MRC1: variants seen among roughly 807,000 people sequenced by gnomAD.
MRC1 encodes macrophage mannose receptor 1.
A neutral mutation model predicts 102.9 loss-of-function variants in MRC1; 62 were observed. The ratio of observed to expected loss-of-function variants is 0.60; its 90% CI spans 0.49 to 0.74. The LOEUF (loss-of-function observed/expected upper bound fraction) is 0.74. Ranked by LOEUF, MRC1 falls within the 30% of genes least tolerant of loss-of-function variation. The probability of loss-of-function intolerance (pLI) is 0.00; values close to 1 mark genes in which losing one functional copy is unlikely to be tolerated. For missense variants in MRC1, 1,237 were observed against 862.8 expected (o/e 1.43, Z -5.43); for synonymous variants, 457 against 298.4 (o/e 1.53, Z -5.48).
chr10:17,845,511 C>A, intron 6 of MRC1, 76 bp downstream of exon 6: 1 of 770,518 alleles, frequency 1.3e-6, no homozygotes, highest in South Asian at 1.4e-5. Flanking sequence ...TTAGGTGTAA[C>A]TGTTGGAATG....
chr10:17,848,171 G>A (rs1485020028), intron 6 of MRC1, among the ~76,000 whole-genome samples: 3 of 152,026 alleles, frequency 2.0e-5, no homozygotes, highest in Non-Finnish European at 4.4e-5. Flanking sequence ...ACCCTATAAC[G>A]AACATATACT....
intron 7 of MRC1, among the ~76,000 whole-genome samples, chr10:17,852,717 G>A (rs923292914): frequency 1.3e-5 from 2 of 152,072 alleles, no homozygotes; most frequent in Admixed American, 1.3e-4. Context: ...TTCCACTAAA[G>A]AATACAGTCA....
At chr10:17,899,074 G>T (rs1554843554) in intron 24 of MRC1, among the ~76,000 whole-genome samples, 3 of 150,778 alleles carry the variant, frequency 2.0e-5, no homozygotes, top group African/African-American at 7.4e-5. Context: ...TATAGTCTAG[G>T]ATGGTAGAAC....
At chr10:17,860,141 A>G (rs1013572005) in intron 9 of MRC1, among the ~76,000 whole-genome samples, 1 of 152,168 alleles carries the variant, frequency 6.6e-6, no homozygotes, top group South Asian at 2.1e-4. Flanking sequence ...GGCCAACAAC[A>G]ATTTAATTTG....
At chr10:17,822,308 G>A (rs528005735) in intron 1 of MRC1, among the ~76,000 whole-genome samples, 2 of 152,290 alleles carry the variant, frequency 1.3e-5, no homozygotes, top group African/African-American at 4.8e-5. Context: ...ACCAAAATGT[G>A]TTGAGATGTG....
chr10:17,853,784 T>C (rs1373617789), intron 8 of MRC1, among the ~76,000 whole-genome samples: 1 of 152,124 alleles, frequency 6.6e-6, no homozygotes, highest in African/African-American at 2.4e-5. Flanking sequence ...GCTTTTATGA[T>C]TGAAATATGA....
Position 17,849,574 on chromosome 10 carries a change from T to G in MRC1, c.1064-5T>G. 2 of 778,512 alleles carry G rather than the reference T, an allele frequency of 2.6e-6. No individual in the cohort carries two copies. Among genetic ancestry groups the G allele is most frequent in the Admixed American group, 3.4e-5 (2 of 58,772 alleles). 48.2% of individuals were successfully genotyped at this position (778,512 alleles called of 1,614,324 possible). On this transcript the variant is annotated splice_polypyrimidine_tract_variant and splice_region_variant and intron_variant, in intron 6 of 29. Transcript: ENST00000569591. ...TTTTTTTCCGACCCCCCTTTTTGTTTCTAGAAAGTGATGTGCCTACTCACT... is the reference window on the plus strand; with the variant it reads ...TTTTTTTCCGACCCCCCTTTTTGTTGCTAGAAAGTGATGTGCCTACTCACT...
chr10:17,893,806 A>G (rs1006195746), intron 22 of MRC1, among the ~76,000 whole-genome samples: 1 of 152,372 alleles, frequency 6.6e-6, no homozygotes, highest in South Asian at 2.1e-4. Context: ...GCAATGAAAT[A>G]TATAGATCAT....
At chr10:17,859,025 G>A (rs1411663007) in intron 9 of MRC1, among the ~76,000 whole-genome samples, 2 of 151,930 alleles carry the variant, frequency 1.3e-5, no homozygotes, top group African/African-American at 4.8e-5. Context: ...TTTCTGTCTT[G>A]CTTTTTATCT....
At chr10:17,830,458 A>G (rs868943293) in intron 3 of MRC1, among the ~76,000 whole-genome samples, 4,780 of 151,560 alleles carry the variant, frequency 0.032, 117 homozygotes, top group East Asian at 0.042. Flanking sequence ...ATCAGCCTTA[A>G]AAGTGGCAGG....
chr10:17,894,399 T>G (rs1214094660), intron 23 of MRC1, 87 bp downstream of exon 23: 1 of 630,622 alleles, frequency 1.6e-6, no homozygotes, highest in Admixed American at 2.9e-5. Context: ...TCTTTCTTTT[T>G]TTTTTTTTTT....
chr10:17,866,036 C>T (rs931782903), intron 11 of MRC1, among the ~76,000 whole-genome samples: 12 of 152,072 alleles, frequency 7.9e-5, no homozygotes, highest in Admixed American at 3.3e-4. Flanking sequence ...CTTCTTTGTT[C>T]GTTAAAGCTG....
intron 18 of MRC1, 68 bp from the exon 19 acceptor site, chr10:17,879,653 G>A (rs1833486204): frequency 1.3e-6 from 1 of 780,648 alleles, no homozygotes; most frequent in South Asian, 1.3e-5. Context: ...GTGAGCCACT[G>A]CTCCTGGCCT....
chr10:17,832,251 T>A (rs1416138496), intron 3 of MRC1, among the ~76,000 whole-genome samples: 1 of 151,584 alleles, frequency 6.6e-6, no homozygotes, highest in East Asian at 1.9e-4. Flanking sequence ...TCCCCTGCCT[T>A]ACTTTACTAG....
Position 17,853,120 on chromosome 10 carries a change from G to A in MRC1, c.1403G>A (p.Gly468Asp), listed in dbSNP as rs1018060853. ...CAGGAGGATTGTGTGGTGATGAAAG[G>A]CAAGGTAAGGCCACTTGAATGACTG... is the stretch of plus-strand genomic sequence containing the variant. ...NRQEDCVVMK[G>D]KDGYWADRGC... The change falls in exon 8 of 30, where the codon GGC becomes GAC. Residue 468 changes from glycine (G) to aspartate (D), a missense_variant. Physicochemically the swap from Gly to Asp is moderately conservative, Grantham distance 94 (BLOSUM62 -1). Coordinates refer to ENST00000569591, the MANE Select transcript of MRC1 (RefSeq NM_002438.4). 1.9e-5 allele frequency: 15 copies of A among 780,814 alleles called. No individual in the cohort carries two copies. Among genetic ancestry groups the A allele is most frequent in the East Asian group, 1.5e-4 (6 of 41,258 alleles). The allele number at this position is 780,814 out of a possible 1,614,324, so 48.4% of individuals were successfully genotyped here. A position where few individuals can be genotyped will look rare whatever the true frequency, so the allele number is the denominator to read the frequency against.
intron 25 of MRC1, 89 bp from the exon 26 acceptor site, chr10:17,901,884 T>C (rs1833834381): frequency 1.3e-6 from 1 of 775,666 alleles, no homozygotes; most frequent in African/African-American, 1.7e-5. Flanking sequence ...TAATGATCAA[T>C]GATCAGTTTT....
rs1223628957 is a variant in MRC1 at position 17,861,401 on chromosome 10, T to C, written c.1533T>C (p.His511=). The C allele has an allele frequency of 1.1e-6, 1 of 872,352 alleles. No individual in the cohort carries two copies. The highest frequency in any genetic ancestry group is 1.6e-5 in the African/African-American group (1 of 61,322). 54.0% of individuals were successfully genotyped at this position (872,352 alleles called of 1,614,324 possible). A position where few individuals can be genotyped will look rare whatever the true frequency, so the allele number is the denominator to read the frequency against. The change falls in exon 10 of 30, where the codon CAT becomes CAC. Residue 511 remains histidine, a synonymous_variant. Transcript: ENST00000569591. ...AACATTAATAGGGCTGGAAAAAACA[T>C]CACTTTTACTGCTATATGATTGGAC... The part of the protein sequence containing the change: ...EKGCRKGWKK[H]HFYCYMIGHT...
chr10:17,845,844 A>G (rs1014101291), intron 6 of MRC1, among the ~76,000 whole-genome samples: 3 of 152,186 alleles, frequency 2.0e-5, no homozygotes, highest in South Asian at 4.1e-4. Flanking sequence ...CTTCCTTGCT[A>G]TTCAGTGTAG....
At chr10:17,826,808 A>G (rs1165406131) in intron 2 of MRC1, among the ~76,000 whole-genome samples, 2 of 152,180 alleles carry the variant, frequency 1.3e-5, no homozygotes, top group African/African-American at 4.8e-5. Context: ...CTTGTTGAAA[A>G]GAAAAACCTT....
Sources: allele counts gnomAD v4.1 joint callset (sites outside exome capture counted in the v4.1 genomes callset), GRCh38; gene constraint gnomAD v4.1.1; transcripts MANE v1.5; gene names NCBI Gene and HGNC (gene_info 2026-07-23, HGNC 2026-07-21).